PCDHA5: variants seen among roughly 807,000 people sequenced by gnomAD.
PCDHA5 encodes protocadherin alpha 5.
Under a neutral mutation model 61.6 loss-of-function variants are expected in PCDHA5, and 43 were observed. That is an observed-to-expected ratio of 0.70 (90% confidence interval 0.55 to 0.90). PCDHA5 has a LOEUF of 0.90. Among genes scored for constraint, PCDHA5 ranks in the 40% least tolerant of loss-of-function variants. The pLI, the probability that PCDHA5 is intolerant of heterozygous loss-of-function variation, is 0.00. For missense variants in PCDHA5, 1,298 were observed against 1,222.7 expected (o/e 1.06, Z -0.92); for synonymous variants, 627 against 543.9 (o/e 1.15, Z -2.13).
rs538322622 is a variant in PCDHA5 at position 140,884,083 on chromosome 5, G to T, written c.2352+59956G>T. 35 of 1,613,596 alleles carry T rather than the reference G, an allele frequency of 2.2e-5. No individual in the cohort carries two copies. The South Asian group carries it at 3.6e-4, about 17-fold the overall frequency. On this transcript the variant is annotated intron_variant, in intron 1 of 3. Coordinates refer to ENST00000529859, the MANE Select transcript of PCDHA5 (RefSeq NM_018908.3). The stretch of plus-strand genomic sequence containing the variant: ...TGGACGCCGATTCGGGCTACAATGC[G>T]TGGCTTTCGTATGAATTGCAGCTGG...
chr5:140,924,945 A>T (rs200246310), intron 1 of PCDHA5, among the ~76,000 whole-genome samples: 4 of 64,382 alleles, frequency 6.2e-5, no homozygotes, highest in African/African-American at 1.9e-4. Context: ...ATAAAAAGTT[A>T]AAAAAAAAAT....
chr5:140,984,325 G>C (rs2097097043), intron 3 of PCDHA5, among the ~76,000 whole-genome samples: 1 of 152,168 alleles, frequency 6.6e-6, no homozygotes, highest in Admixed American at 6.5e-5. Flanking sequence ...CTAGGCAAAT[G>C]TGGAATAGGA....
rs1181664726 is a variant in PCDHA5 at position 140,982,480 on chromosome 5, T to C, written c.2417T>C (p.Val806Ala). ...GGGTCTGTGTGTTTATTCAGCTCTG[T>C]GCACCTAGAGGAGGCTGGCATTCTA... ...ASLRAGMHSS[V>A]HLEEAGILRA... is the part of the protein sequence containing the mutation. The change falls in exon 3 of 4, where the codon GTG (valine) becomes GCG (alanine). Residue 806 changes from valine (V) to alanine (A), a missense_variant. Coordinates refer to ENST00000529859, the MANE Select transcript of PCDHA5 (RefSeq NM_018908.3). 5.0e-6 allele frequency: 8 copies of C among 1,614,216 alleles called. No individual in the cohort carries two copies. Among genetic ancestry groups the C allele is most frequent in the Non-Finnish European group, 6.8e-6 (8 of 1,180,038 alleles).
At chr5:140,997,792 T>C (rs1279010273) in intron 3 of PCDHA5, among the ~76,000 whole-genome samples, 1 of 152,160 alleles carries the variant, frequency 6.6e-6, no homozygotes, top group African/African-American at 2.4e-5. Context: ...TATATTATAA[T>C]TTATCCAATT....
intron 1 of PCDHA5, among the ~76,000 whole-genome samples, chr5:140,897,318 A>T (rs1420123207): frequency 1.4e-5 from 2 of 145,668 alleles, no homozygotes; most frequent in African/African-American, 2.5e-5. Flanking sequence ...TATCTCCTAA[A>T]GCTATCCCTC....
intron 1 of PCDHA5, among the ~76,000 whole-genome samples, chr5:140,955,135 G>A (rs114298661): frequency 0.017 from 2,539 of 152,204 alleles, 31 homozygotes; most frequent in Middle Eastern, 0.034. Flanking sequence ...TGGTCTACAC[G>A]TCTGTTTTTG....
At position 140,822,955 on chromosome 5, in the gene PCDHA5, T is replaced by G. The variant is rs2150120755; in HGVS notation, c.1180T>G (p.Phe394Val). Reference sequence around the variant, plus strand: ...CTGCTCCCTAATGCCCCACGTTCCCTTCAAGCTGGTGTCCACCTTCAAGAA... The same window carrying G: ...CTGCTCCCTAATGCCCCACGTTCCCGTCAAGCTGGTGTCCACCTTCAAGAA... ...VTCSLMPHVPFKLVSTFKNYY... is the reference protein window; with the variant it reads ...VTCSLMPHVPVKLVSTFKNYY... Residue 394 changes from phenylalanine (F) to valine (V), a missense_variant, in exon 1 of 4, where the codon TTC (phenylalanine) becomes GTC (valine). Transcript: ENST00000529859. The G allele has an allele frequency of 3.7e-6, 6 of 1,614,108 alleles. No homozygotes were observed. The African/African-American group carries it at 8.0e-5, about 22-fold the overall frequency.
intron 3 of PCDHA5, among the ~76,000 whole-genome samples, chr5:140,992,700 G>A (rs2097525204): frequency 6.6e-6 from 1 of 152,162 alleles, no homozygotes; most frequent in Non-Finnish European, 1.5e-5. Flanking sequence ...GGTGGGTAAT[G>A]TTCCTGCCAG....
chr5:140,931,579 A>G (rs1464146269), intron 1 of PCDHA5, among the ~76,000 whole-genome samples: 2 of 152,102 alleles, frequency 1.3e-5, no homozygotes, highest in Non-Finnish European at 2.9e-5. Flanking sequence ...CCATTCATTC[A>G]GTTGAACAGT....
At chr5:140,927,472 G>T (rs201932518) in intron 1 of PCDHA5, 4 of 1,614,094 alleles carry the variant, frequency 2.5e-6, no homozygotes, top group African/African-American at 1.3e-5. Context: ...ACTGGATCGC[G>T]AACAGCGCGC....
At chr5:140,896,551 A>G (rs1474890462) in intron 1 of PCDHA5, among the ~76,000 whole-genome samples, 1 of 139,892 alleles carries the variant, frequency 7.1e-6, no homozygotes, top group African/African-American at 2.6e-5. Context: ...TTTTTTTTGT[A>G]TTTTAAGTAG....
At chr5:140,828,383 C>A in intron 1 of PCDHA5, 1 of 1,614,256 alleles carries the variant, frequency 6.2e-7, no homozygotes, top group South Asian at 1.1e-5. Context: ...GCTGTGCGGG[C>A]GGAGCGCGGA....
At chr5:140,903,166 T>C (rs758397398) in intron 1 of PCDHA5, among the ~76,000 whole-genome samples, 34 of 152,226 alleles carry the variant, frequency 2.2e-4, no homozygotes, top group Non-Finnish European at 2.5e-4. Context: ...TGTGCTGGTT[T>C]ACATTCCCAC....
intron 1 of PCDHA5, among the ~76,000 whole-genome samples, chr5:140,933,690 T>A (rs1382967033): frequency 1.3e-5 from 2 of 152,048 alleles, no homozygotes; most frequent in Non-Finnish European, 2.9e-5. Flanking sequence ...TTTTTCCTAT[T>A]CCTCGGACAC....
intron 3 of PCDHA5, among the ~76,000 whole-genome samples, chr5:141,007,315 C>A (rs1207897662): frequency 1.3e-5 from 2 of 148,308 alleles, no homozygotes; most frequent in Admixed American, 1.4e-4. Flanking sequence ...TTTTGGGAGG[C>A]TAAAGTGGAC....
At chr5:140,843,404 G>C (rs2150359308) in intron 1 of PCDHA5, 2 of 1,596,130 alleles carry the variant, frequency 1.3e-6, no homozygotes, top group Admixed American at 3.4e-5. Context: ...GGCGCTGGTG[G>C]ATGTCAACGT....
At chr5:140,824,610 G>GTTTTTTTTTTTTTTTTTTTTT (rs782443702) in intron 1 of PCDHA5, 4 of 95,110 alleles carry the variant, frequency 4.2e-5, no homozygotes, top group South Asian at 3.6e-4. Context: ...GCTAATTAAA[G>GTTTTTTTTTTTTTTTTTTTTT]TTTTTTTTTT....
At chr5:140,967,978 G>A in intron 1 of PCDHA5, 5 of 1,614,206 alleles carry the variant, frequency 3.1e-6, no homozygotes, top group Non-Finnish European at 3.4e-6. Flanking sequence ...GCCTGGGTCT[G>A]GAGGCCACAC....
At chr5:140,967,849 T>C in intron 1 of PCDHA5, 1 of 1,614,116 alleles carries the variant, frequency 6.2e-7, no homozygotes, top group Non-Finnish European at 8.5e-7. Flanking sequence ...TGAATGACAA[T>C]GCCCCAGAGG....
Sources: gnomAD v4.1 joint callset for allele counts (sites outside exome capture counted in the v4.1 genomes callset) on GRCh38, gnomAD v4.1.1 for gene constraint, MANE v1.5 for transcripts, NCBI Gene and HGNC (gene_info 2026-07-23, HGNC 2026-07-21) for gene names.